LMF1: variants seen among roughly 807,000 people sequenced by gnomAD.
LMF1 encodes the protein lipase maturation factor 1, also known as transmembrane protein 112.
LMF1 carries 68 observed loss-of-function variants against 60.6 expected under a neutral mutation model. The observed-to-expected ratio is 1.12, with a 90% confidence interval of 0.92 to 1.37. The LOEUF is 1.37. Among genes scored for constraint, LMF1 ranks in the 40% most tolerant of loss-of-function variants. The probability of loss-of-function intolerance (pLI) is 0.00; values close to 1 mark genes in which losing one functional copy is unlikely to be tolerated. For missense variants in LMF1, 948 were observed against 767.2 expected (o/e 1.24, Z -2.78); for synonymous variants, 418 against 324.7 (o/e 1.29, Z -3.09).
chr16:951,695 G>A (rs2072472672), intron 2 of LMF1, among the ~76,000 whole-genome samples: 1 of 152,236 alleles, frequency 6.6e-6, no homozygotes. Flanking sequence ...GGAGCAGAGA[G>A]AAGCCTCCCA....
chr16:896,324 T>C (rs372408996), intron 4 of LMF1, among the ~76,000 whole-genome samples: 4 of 152,202 alleles, frequency 2.6e-5, no homozygotes, highest in South Asian at 4.1e-4. Flanking sequence ...GGCGGGGCCA[T>C]GTCTGGGTCC....
chr16:954,724 A>C, intron 1 of LMF1, 58 bp from the exon 2 acceptor site: 23 of 1,477,970 alleles, frequency 1.6e-5, no homozygotes, highest in Non-Finnish European at 1.9e-5. Flanking sequence ...TGTGGACACC[A>C]TGGGCGCAGC....
intron 4 of LMF1, among the ~76,000 whole-genome samples, chr16:908,501 C>T (rs2071024975): frequency 1.3e-5 from 2 of 152,182 alleles, no homozygotes. Context: ...CGAGCACACC[C>T]GACCAGGCAA....
chr16:878,336 C>G lies in LMF1; in HGVS notation c.897+1234G>C, dbSNP rs537613605. On this transcript the variant is annotated intron_variant, in intron 6 of 10. Coordinates refer to ENST00000262301, the MANE Select transcript of LMF1 (RefSeq NM_022773.4). The surrounding 1 kb of genome is among the most constrained non-coding windows in gnomAD (Gnocchi z 5.2). Reference sequence around the variant, plus strand: ...CCGGTGCCAGCCTCCAAGCAGCTAACGCGGAAAAGCCCGAGGGAGTCAGGA... The same window carrying G: ...CCGGTGCCAGCCTCCAAGCAGCTAAGGCGGAAAAGCCCGAGGGAGTCAGGA... Among the ~76,000 whole-genome samples, 1 of 152,122 alleles carries G rather than the reference C, an allele frequency of 6.6e-6. No homozygotes were observed. Among genetic ancestry groups the G allele is most frequent in the Non-Finnish European group, 1.5e-5 (1 of 68,028 alleles).
At position 951,733 on chromosome 16, in the gene LMF1, C is replaced by T. The variant is rs571495848; in HGVS notation, c.503+2624G>A. Among the ~76,000 whole-genome samples, 403 of 152,316 alleles carry T rather than the reference C, an allele frequency of 2.6e-3. 4 individuals are homozygous for T. The highest frequency in any genetic ancestry group is 6.6e-3 in the South Asian group (32 of 4,828). Reference sequence around the variant, plus strand: ...CAGGTGGGCTCATGACTCCTGCAGACCCCCAGAGGCGGCGGAACCTCACAC... The same window carrying T: ...CAGGTGGGCTCATGACTCCTGCAGATCCCCAGAGGCGGCGGAACCTCACAC... On this transcript the variant is annotated intron_variant, in intron 2 of 10. Coordinates refer to ENST00000262301, the MANE Select transcript of LMF1 (RefSeq NM_022773.4).
At chr16:934,946 G>T (rs544874651) in intron 2 of LMF1, among the ~76,000 whole-genome samples, 1 of 152,344 alleles carries the variant, frequency 6.6e-6, no homozygotes, top group Non-Finnish European at 1.5e-5. Flanking sequence ...AGGCGGGCAG[G>T]ATGCACCAAT....
At chr16:858,598 CTCGGGACGGG>C (rs2069294014) in intron 10 of LMF1, among the ~76,000 whole-genome samples, 3 of 75,706 alleles carry the variant, frequency 4.0e-5, no homozygotes, top group Non-Finnish European at 5.2e-5. Context: ...TGAGTGGTGT[CTCGGGACGGG>C]TGTGCAGTGG....
chr16:854,877 G>C (rs947153496), intron 10 of LMF1, 171 bp from the exon 11 acceptor site: 1 of 671,358 alleles, frequency 1.5e-6, no homozygotes, highest in Admixed American at 2.2e-5. Flanking sequence ...CCCCGGGCAG[G>C]GCAACTGTTC....
intron 5 of LMF1, among the ~76,000 whole-genome samples, chr16:881,712 G>A (rs2070168054): frequency 6.6e-6 from 1 of 152,180 alleles, no homozygotes; most frequent in Non-Finnish European, 1.5e-5. Context: ...TCCCTTTTAG[G>A]CTGCTTGTTG....
intron 1 of LMF1, among the ~76,000 whole-genome samples, chr16:963,040 T>C (rs1440208478): frequency 1.3e-5 from 2 of 150,762 alleles, no homozygotes; most frequent in South Asian, 2.1e-4. Context: ...AGGAAGAGGG[T>C]GGACACAGGC....
At chr16:980,745 C>CG (rs562666058) in intron 1 of LMF1, 11,067 of 151,772 alleles carry the variant, frequency 0.073, 439 homozygotes, top group African/African-American at 0.11. Flanking sequence ...ACGTTCGCCT[C>CG]GGGGGGGGCA....
At chr16:919,322 C>T (rs149331412) in intron 3 of LMF1, among the ~76,000 whole-genome samples, 4 of 151,978 alleles carry the variant, frequency 2.6e-5, no homozygotes, top group Non-Finnish European at 5.9e-5. Context: ...GAGAAGTGGG[C>T]GGGAATCACC....
intron 3 of LMF1, among the ~76,000 whole-genome samples, chr16:923,802 C>T (rs2071512661): frequency 6.6e-6 from 1 of 152,142 alleles, no homozygotes; most frequent in Admixed American, 6.5e-5. Context: ...GCATCTGCTC[C>T]AAGCAGTAAC....
chr16:965,623 A>T (rs897793370), intron 1 of LMF1, among the ~76,000 whole-genome samples: 2 of 152,198 alleles, frequency 1.3e-5, no homozygotes, highest in African/African-American at 4.8e-5. Flanking sequence ...AGATCCGGGC[A>T]AGTTGGTCCT....
intron 1 of LMF1, among the ~76,000 whole-genome samples, chr16:960,404 CAG>C (rs2072802569): frequency 1.2e-5 from 1 of 83,710 alleles, no homozygotes. Context: ...GACCCAGACA[CAG>C]ACTCACGGTG....
intron 6 of LMF1, 132 bp downstream of exon 6, chr16:879,438 G>A (rs1429206027): frequency 9.4e-7 from 1 of 1,062,664 alleles, no homozygotes; most frequent in East Asian, 2.6e-5. Context: ...CGAAGGCTGG[G>A]GAGGACAGGC....
At chr16:869,081 A>C (rs376031419) in intron 9 of LMF1, 25 bp from the exon 10 acceptor site, 67 of 1,487,172 alleles carry the variant, frequency 4.5e-5, no homozygotes, top group Non-Finnish European at 6.3e-5. Context: ...CGGGCTGGAG[A>C]CGGCTGTGCC....
intron 1 of LMF1, chr16:980,268 G>A (rs1308429685): frequency 6.3e-6 from 1 of 158,348 alleles, no homozygotes; most frequent in Non-Finnish European, 1.4e-5. Flanking sequence ...AGCAGCAAGG[G>A]CCCCGGGGTC....
chr16:861,648 G>A (rs2069470525), intron 10 of LMF1, among the ~76,000 whole-genome samples: 3 of 152,262 alleles, frequency 2.0e-5, no homozygotes, highest in Admixed American at 6.5e-5. Context: ...GAGCCGCTGC[G>A]CCCGGCCTCG....
Sources: allele counts gnomAD v4.1 joint callset (sites outside exome capture counted in the v4.1 genomes callset), GRCh38; gene constraint gnomAD v4.1.1; non-coding constraint Gnocchi (gnomAD v3.1); transcripts MANE v1.5; gene names NCBI Gene and HGNC (gene_info 2026-07-23, HGNC 2026-07-21).